Variants in ARHGEF4 observed in about 807,000 individuals in gnomAD.
ARHGEF4 encodes APC-stimulated guanine nucleotide exchange factor 1.
In ARHGEF4, 119 loss-of-function variants were observed where a neutral mutation model predicts 162.0. The ratio of observed to expected loss-of-function variants is 0.73; its 90% CI spans 0.63 to 0.86. The LOEUF (loss-of-function observed/expected upper bound fraction) is 0.86. Among genes scored for constraint, ARHGEF4 ranks in the 40% least tolerant of loss-of-function variants. ARHGEF4 has a pLI of 0.00. For synonymous variants in ARHGEF4, 1,014 were observed against 979.9 expected (o/e 1.03, Z -0.65); for missense variants, 2,488 against 2,456.0 (o/e 1.01, Z -0.28).
At chr2:130,970,587 C>CAAA (rs57254908) in intron 4 of ARHGEF4, among the ~76,000 whole-genome samples, 1 of 116,954 alleles carries the variant, frequency 8.6e-6, no homozygotes, top group African/African-American at 3.2e-5. Flanking sequence ...GAAACTCCAT[C>CAAA]AAAAAAAAAA....
chr2:130,932,211 T>C (rs1682678477), intron 3 of ARHGEF4, among the ~76,000 whole-genome samples: 1 of 152,154 alleles, frequency 6.6e-6, no homozygotes, highest in African/African-American at 2.4e-5. Context: ...ATCCATGTCA[T>C]AGCACATATC....
rs535886519 is a variant in ARHGEF4, at chr2:131,017,269, C to T, written c.3986-10676C>T. Among the ~76,000 whole-genome samples, 10 of 152,268 alleles carry T rather than the reference C, an allele frequency of 6.6e-5. No individual in the cohort carries two copies. In the South Asian group the frequency reaches 1.9e-3, roughly 28 times the overall value. ...TAAGCAGACAAGTGACTGGCTCTCC[C>T]ACTGGCTGTTTGCACAGAGCCTGGA... On this transcript the variant is annotated intron_variant, in intron 4 of 13. Transcript: ENST00000409359.
At chr2:130,988,872 G>GTATATA (rs58656982) in intron 4 of ARHGEF4, among the ~76,000 whole-genome samples, 64 of 108,496 alleles carry the variant, frequency 5.9e-4, no homozygotes, top group South Asian at 3.4e-3. Flanking sequence ...GTGTGTGTGT[G>GTATATA]TATATATATA....
chr2:131,034,923 T>C, intron 5 of ARHGEF4: 3 of 949,534 alleles, frequency 3.2e-6, no homozygotes, highest in Non-Finnish European at 2.5e-6. Context: ...GTTGCCAGGG[T>C]TGCCAGGGCT....
intron 4 of ARHGEF4, among the ~76,000 whole-genome samples, chr2:131,020,359 G>A (rs758352849): frequency 6.0e-5 from 6 of 99,854 alleles, no homozygotes; most frequent in Non-Finnish European, 7.8e-5. Flanking sequence ...CCCACAACAG[G>A]CCCCAGTGTG....
chr2:131,044,570 G>GC (rs1558904521), intron 12 of ARHGEF4, 28 bp downstream of exon 12: 5 of 1,536,550 alleles, frequency 3.3e-6, no homozygotes. Flanking sequence ...GCCTTGCCCC[G>GC]CCCCCAGGGC....
intron 1 of ARHGEF4, among the ~76,000 whole-genome samples, chr2:130,850,125 G>A (rs1364036027): frequency 1.3e-5 from 2 of 152,142 alleles, no homozygotes; most frequent in Non-Finnish European, 2.9e-5. Flanking sequence ...CCCCATGGGG[G>A]TTCTCAAAGC....
chr2:131,027,183 A>C (rs1689535753), intron 4 of ARHGEF4, among the ~76,000 whole-genome samples: 1 of 152,174 alleles, frequency 6.6e-6, no homozygotes, highest in South Asian at 2.1e-4. Context: ...CCAACACACA[A>C]AATGTGAAAG....
At chr2:130,838,425 T>C (rs555066694) in intron 1 of ARHGEF4, among the ~76,000 whole-genome samples, 8 of 151,974 alleles carry the variant, frequency 5.3e-5, no homozygotes, top group South Asian at 2.1e-4. Flanking sequence ...GGCCAACATG[T>C]CAAAACCCCG....
chr2:131,012,079 G>A (rs1013984503), intron 4 of ARHGEF4, among the ~76,000 whole-genome samples: 17 of 152,194 alleles, frequency 1.1e-4, no homozygotes, highest in South Asian at 4.1e-4. Context: ...AAAGAATGCA[G>A]TTGTCTGCTA....
intron 1 of ARHGEF4, among the ~76,000 whole-genome samples, chr2:130,877,836 T>G (rs1678952993): frequency 6.6e-6 from 1 of 152,220 alleles, no homozygotes; most frequent in Non-Finnish European, 1.5e-5. Context: ...CATTCATCAC[T>G]TCTGTTAGAA....
At chr2:130,973,724 C>T (rs12987149) in intron 4 of ARHGEF4, among the ~76,000 whole-genome samples, 3 of 152,122 alleles carry the variant, frequency 2.0e-5, no homozygotes, top group Admixed American at 6.5e-5. Flanking sequence ...TCTTCCAATT[C>T]GACAGCTCTT....
chr2:130,927,832 T>C (rs1443346830), intron 2 of ARHGEF4, among the ~76,000 whole-genome samples: 1 of 152,226 alleles, frequency 6.6e-6, no homozygotes, highest in African/African-American at 2.4e-5. Context: ...ACATAATGTC[T>C]TAGGTTTTTA....
intron 1 of ARHGEF4, among the ~76,000 whole-genome samples, chr2:130,884,784 G>A (rs749264379): frequency 1.3e-5 from 2 of 152,108 alleles, no homozygotes; most frequent in Admixed American, 6.5e-5. Context: ...CCAGCAGAAT[G>A]TTGCTGGTGG....
At chr2:130,988,548 A>G (rs901213790) in intron 4 of ARHGEF4, among the ~76,000 whole-genome samples, 1 of 152,124 alleles carries the variant, frequency 6.6e-6, no homozygotes, top group African/African-American at 2.4e-5. Flanking sequence ...TGCTATGAAC[A>G]TTTTGGTGTG....
rs1376320497 is a variant in ARHGEF4 at position 130,916,376 on chromosome 2, C to T, written c.2430C>T (p.Ser810=). Residue 810 remains serine (S), a synonymous_variant, in exon 2 of 14, where the codon AGC becomes AGT. Transcript: ENST00000409359. ...AGGGCAGGCCCTTGGCCACTGAGAG[C>T]CCAGGAGGGGTCCCGGCCCCGACCA... ...FRKGRPLATE[S]PGGVPAPTTE... The T allele has an allele frequency of 3.3e-6, 5 of 1,537,022 alleles. No individual in the cohort carries two copies. In the South Asian group the frequency reaches 4.8e-5, roughly 15 times the overall value.
intron 5 of ARHGEF4, among the ~76,000 whole-genome samples, chr2:131,038,224 G>T (rs1032599411): frequency 7.2e-5 from 11 of 152,144 alleles, no homozygotes; most frequent in Non-Finnish European, 1.2e-4. Flanking sequence ...CCAGCCCCCA[G>T]CCCCTCCCTC....
intron 1 of ARHGEF4, among the ~76,000 whole-genome samples, chr2:130,890,866 C>T (rs960250982): frequency 6.6e-6 from 1 of 152,100 alleles, no homozygotes; most frequent in Non-Finnish European, 1.5e-5. Context: ...ATCCTCAGGG[C>T]CATGCGGTAT....
intron 10 of ARHGEF4, among the ~76,000 whole-genome samples, chr2:131,043,190 A>T (rs918334743): frequency 2.0e-5 from 3 of 152,216 alleles, no homozygotes; most frequent in Non-Finnish European, 4.4e-5. Flanking sequence ...CTGACATCAC[A>T]TCTAATTAAT....
Sources: gnomAD v4.1 joint callset for allele counts (sites outside exome capture counted in the v4.1 genomes callset) on GRCh38, gnomAD v4.1.1 for gene constraint, MANE v1.5 for transcripts, NCBI Gene and HGNC (gene_info 2026-07-23, HGNC 2026-07-21) for gene names.